The following LY96 variants were observed in gnomAD, a reference collection of about 807,000 sequenced individuals.
The protein encoded by LY96 is myeloid differentiation protein-2.
LY96 carries 18 observed loss-of-function variants against 18.9 expected under a neutral mutation model. The ratio of observed to expected loss-of-function variants is 0.95; its 90% CI spans 0.66 to 1.41. LY96 has a LOEUF of 1.41. LY96 is among the 40% of genes most tolerant of loss of function. The probability of loss-of-function intolerance (pLI) is 0.00; values close to 1 mark genes in which losing one functional copy is unlikely to be tolerated. For synonymous variants in LY96, 66 were observed against 62.6 expected (o/e 1.06, Z -0.26); for missense variants, 175 against 182.4 (o/e 0.96, Z 0.23).
the LY96 span, among the ~76,000 whole-genome samples, chr8:74,053,031 G>A: frequency 0.014 from 2,108 of 152,246 alleles, 15 homozygotes; most frequent in African/African-American, 0.02. Context: ...TATTGTACCT[G>A]CCAAGCAACC....
the LY96 span, among the ~76,000 whole-genome samples, chr8:74,080,978 TTCTCTC>T: frequency 6.1e-3 from 855 of 141,238 alleles, 37 homozygotes; most frequent in Admixed American, 0.047. Context: ...CTTTCTTTCT[TTCTCTC>T]TCTTTCTTTC....
the LY96 span, among the ~76,000 whole-genome samples, chr8:74,087,062 T>C: frequency 6.6e-6 from 1 of 152,156 alleles, no homozygotes; most frequent in Admixed American, 6.5e-5. Flanking sequence ...TGAAAGAAGA[T>C]CATGACAGAA....
chr8:74,019,386 T>C (rs935059353), intron 3 of LY96, among the ~76,000 whole-genome samples: 20 of 152,302 alleles, frequency 1.3e-4, no homozygotes, highest in Admixed American at 3.9e-4. Flanking sequence ...GTCGAATCCC[T>C]GAATAGATCA....
chr8:74,028,651 A>T (rs2114169), intron 4 of LY96, among the ~76,000 whole-genome samples: 45,555 of 152,020 alleles, frequency 0.3, 9,329 homozygotes, highest in African/African-American at 0.59. Flanking sequence ...CATTTTACTT[A>T]TGGTGACCAT....
the LY96 span, among the ~76,000 whole-genome samples, chr8:74,054,617 C>CTTCTTTCTTTCTTTCTTTCTTTCT: frequency 2.4e-4 from 17 of 70,172 alleles, no homozygotes; most frequent in Non-Finnish European, 3.2e-4. Context: ...TTTCCTTTTC[C>CTTCTTTCTTTCTTTCTTTCTTTCT]TTCTTTCTTT....
At chr8:74,095,745 C>T in the LY96 span, among the ~76,000 whole-genome samples, 73 of 152,314 alleles carry the variant, frequency 4.8e-4, no homozygotes, top group Non-Finnish European at 7.3e-4. Flanking sequence ...TTGACACATC[C>T]AGGGCTCAGA....
chr8:74,040,288 A>G, the LY96 span, among the ~76,000 whole-genome samples: 1 of 152,196 alleles, frequency 6.6e-6, no homozygotes, highest in Admixed American at 6.5e-5. Flanking sequence ...TATTATACTG[A>G]AACAGTTTGT....
At chr8:74,046,628 G>A in the LY96 span, among the ~76,000 whole-genome samples, 1 of 152,012 alleles carries the variant, frequency 6.6e-6, no homozygotes, top group Non-Finnish European at 1.5e-5. Flanking sequence ...TTAACAATAA[G>A]CAGAAAGCCA....
chr8:74,051,016 C>T, the LY96 span, among the ~76,000 whole-genome samples: 1 of 152,088 alleles, frequency 6.6e-6, no homozygotes, highest in African/African-American at 2.4e-5. Flanking sequence ...GAGTGAGACT[C>T]TGTCTCAAAA....
the LY96 span, among the ~76,000 whole-genome samples, chr8:74,058,523 CTTTT>C: frequency 7.2e-6 from 1 of 139,604 alleles, no homozygotes; most frequent in Non-Finnish European, 1.6e-5. Flanking sequence ...GAAAGTTTTT[CTTTT>C]TTTTTTTTTT....
chr8:74,013,686 A>T (rs1399213843), intron 3 of LY96, among the ~76,000 whole-genome samples: 1 of 152,204 alleles, frequency 6.6e-6, no homozygotes, highest in Non-Finnish European at 1.5e-5. Context: ...GAATCTGAGA[A>T]CATCAGAGGG....
chr8:74,032,367 A>G (rs1209099136), downstream of LY96, among the ~76,000 whole-genome samples: 2 of 152,266 alleles, frequency 1.3e-5, no homozygotes, highest in Non-Finnish European at 2.9e-5. Flanking sequence ...ACAGGCAGAC[A>G]GCCCGGCGTG....
At chr8:74,081,034 C>CTTTT in the LY96 span, among the ~76,000 whole-genome samples, 17 of 118,444 alleles carry the variant, frequency 1.4e-4, no homozygotes, top group African/African-American at 4.3e-5. Context: ...TTCTTTCTTT[C>CTTTT]TTTCTTTCTT....
downstream of LY96, among the ~76,000 whole-genome samples, chr8:74,031,764 C>T (rs1028105802): frequency 1.6e-4 from 25 of 151,852 alleles, no homozygotes; most frequent in Admixed American, 9.8e-4. Context: ...ACAAAGTTAC[C>T]TCTGAGACCT....
At chr8:74,068,283 GATTC>G in the LY96 span, among the ~76,000 whole-genome samples, 4 of 151,778 alleles carry the variant, frequency 2.6e-5, no homozygotes, top group Non-Finnish European at 4.4e-5. Context: ...AATCCTTTGA[GATTC>G]ATTCATGTTG....
intron 1 of LY96, among the ~76,000 whole-genome samples, chr8:74,003,912 C>T (rs1359800252): frequency 6.6e-6 from 1 of 152,136 alleles, no homozygotes; most frequent in Non-Finnish European, 1.5e-5. Context: ...GGGTCCTCTA[C>T]CAACTCTTTC....
chr8:74,099,270 A>G, the LY96 span: 2 of 152,340 alleles, frequency 1.3e-5, no homozygotes, highest in Admixed American at 6.5e-5. Context: ...CCATGATGGT[A>G]TGGGAGGTTG....
chr8:73,996,348 CCTTCCTT>C, intron 1 of LY96, among the ~76,000 whole-genome samples: 1 of 132,932 alleles, frequency 7.5e-6, no homozygotes, highest in Non-Finnish European at 1.6e-5. Context: ...TTCCTTCCTT[CCTTCCTT>C]CCTTCCTTCC....
chr8:74,054,572 C>T, the LY96 span, among the ~76,000 whole-genome samples: 4 of 111,156 alleles, frequency 3.6e-5, no homozygotes, highest in Admixed American at 4.4e-4. Context: ...TTCTTCCCTC[C>T]CTCCCCCCTC....
Sources: gnomAD v4.1 joint callset for allele counts (sites outside exome capture counted in the v4.1 genomes callset) on GRCh38, gnomAD v4.1.1 for gene constraint, MANE v1.5 for transcripts, NCBI Gene and HGNC (gene_info 2026-07-23, HGNC 2026-07-21) for gene names.